The following BOP1 variants were observed in gnomAD, a reference collection of about 807,000 sequenced individuals.
BOP1 encodes BOP1 ribosomal biogenesis factor.
BOP1 carries 54 observed loss-of-function variants against 82.9 expected under a neutral mutation model. That is an observed-to-expected ratio of 0.65 (90% CI 0.52 to 0.82). The LOEUF (loss-of-function observed/expected upper bound fraction) is 0.82, where lower values mean the gene tolerates loss of function less well. Among genes scored for constraint, BOP1 ranks in the 40% least tolerant of loss-of-function variants. BOP1 has a pLI of 0.00. For missense variants in BOP1, 1,170 were observed against 1,072.0 expected, an observed-to-expected ratio of 1.09 and a Z score of -1.28; for synonymous variants, 566 against 451.1, an observed-to-expected ratio of 1.25 and a Z score of -3.23.
intron 3 of BOP1, among the ~76,000 whole-genome samples, chr8:144,273,980 G>T (rs1188687651): frequency 6.6e-6 from 1 of 152,196 alleles, no homozygotes; most frequent in Non-Finnish European, 1.5e-5. Flanking sequence ...GTCCAGCAGG[G>T]GGTCCCTGAA....
Position 144,280,183 on chromosome 8 carries a change from G to A in BOP1, c.310-3879C>T, listed in dbSNP as rs150729636. 7.9e-3 allele frequency among the ~76,000 whole-genome samples: 1,208 copies of A among 152,350 alleles called. 14 individuals are homozygous for A. The highest frequency in any genetic ancestry group is 0.013 in the South Asian group (65 of 4,832). On this transcript the variant is annotated intron_variant, in intron 2 of 15. Coordinates refer to ENST00000569669, the MANE Select transcript of BOP1 (RefSeq NM_015201.5). ...ATGGGGGCCAAGAAGCTTGGAGCTG[G>A]CAGTCTTCAAAAGAACCCAAAGCAA...
chr8:144,262,232 T>C lies in BOP1; in HGVS notation c.2173A>G (p.Ile725Val), dbSNP rs998278508. 4.3e-6 allele frequency: 7 copies of C among 1,612,576 alleles called. No individual in the cohort carries two copies. The highest frequency in any genetic ancestry group is 5.9e-6 in the Non-Finnish European group (7 of 1,179,756). Residue 725 changes from isoleucine to valine, a missense_variant, in exon 16 of 16, where the codon ATC becomes GTC. Physicochemically the swap from Ile to Val is conservative, Grantham distance 29. Transcript: ENST00000569669. The part of the protein sequence containing the change: ...LTRDLGVLDV[I>V]FHPTQPWVFS... ...ACCCACGGCTGGGTGGGGTGGAAGA[T>C]GACGTCCAGCACTCCCAGATCTCGG...
chr8:144,276,380 C>A, intron 2 of BOP1, 76 bp from the exon 3 acceptor site: 2 of 1,524,368 alleles, frequency 1.3e-6, no homozygotes, highest in Non-Finnish European at 1.8e-6. Flanking sequence ...CCCAGGAAGC[C>A]CACCACCCCG....
chr8:144,264,903 C>T lies in BOP1; in HGVS notation c.545+14G>A. ...GCCCACCCCGGCTGCTGGCCCCACC[C>T]CACCAGCCCTCACCAGTAGTCAGGA... is the stretch of plus-strand genomic sequence containing the variant. On this transcript the variant is annotated intron_variant, in intron 4 of 15. Transcript: ENST00000569669. 6.2e-6 allele frequency: 10 copies of T among 1,611,032 alleles called. No homozygotes were observed. The South Asian group carries it at 8.8e-5, about 14-fold the overall frequency.
At chr8:144,289,008 G>T in intron 2 of BOP1, 87 bp downstream of exon 2, 1 of 1,432,724 alleles carries the variant, frequency 7.0e-7, no homozygotes, top group South Asian at 1.2e-5. Context: ...AGGGACGGTG[G>T]AGAAGGCAGT....
chr8:144,287,466 C>A (rs1322975141), intron 2 of BOP1, among the ~76,000 whole-genome samples: 1 of 152,112 alleles, frequency 6.6e-6, no homozygotes, highest in East Asian at 1.9e-4. Flanking sequence ...CTGAATGGTG[C>A]TGCTACAATA....
In BOP1 at chr8:144,263,086, G is replaced by A; in HGVS notation, c.1661C>T (p.Ala554Val). Residue 554 changes from alanine (A) to valine (V), a missense_variant, in exon 13 of 16, where the codon GCC becomes GTC. Physicochemically the swap from Ala to Val is moderately conservative, Grantham distance 64. Coordinates refer to ENST00000569669, the MANE Select transcript of BOP1 (RefSeq NM_015201.5). The part of the protein sequence containing the change: ...GRGDYLAVVL[A>V]TQGHTQVLIH... The stretch of plus-strand genomic sequence containing the variant: ...CAGCACCTGGGTGTGGCCTTGGGTG[G>A]CCAGCACCACGGCCAGGTAGTCCCC... The A allele has an allele frequency of 2.5e-6, 4 of 1,590,992 alleles. No individual in the cohort carries two copies. Among genetic ancestry groups the A allele is most frequent in the Non-Finnish European group, 3.4e-6 (4 of 1,177,654 alleles).
intron 3 of BOP1, among the ~76,000 whole-genome samples, chr8:144,273,001 A>G (rs1277951171): frequency 6.6e-6 from 1 of 152,186 alleles, no homozygotes; most frequent in African/African-American, 2.4e-5. Flanking sequence ...GCAGGCATGC[A>G]GGCGGCCGCG....
At chr8:144,269,407 G>T (rs940468006) in intron 3 of BOP1, among the ~76,000 whole-genome samples, 41 of 152,240 alleles carry the variant, frequency 2.7e-4, no homozygotes, top group Non-Finnish European at 5.4e-4. Flanking sequence ...CCCTCGGGGG[G>T]AGACCAGGTG....
chr8:144,279,454 C>T (rs1473028384), intron 2 of BOP1, among the ~76,000 whole-genome samples: 6 of 152,160 alleles, frequency 3.9e-5, no homozygotes, highest in African/African-American at 1.4e-4. Context: ...GAGACCACTC[C>T]ACAGCACTGT....
intron 3 of BOP1, among the ~76,000 whole-genome samples, 175 bp downstream of exon 3, chr8:144,276,049 T>C (rs1208711616): frequency 1.3e-5 from 2 of 152,222 alleles, no homozygotes; most frequent in African/African-American, 2.4e-5. Flanking sequence ...GACCCCGAAA[T>C]TGCTCTTGCA....
chr8:144,273,080 G>A (rs1044589807), intron 3 of BOP1, among the ~76,000 whole-genome samples: 1 of 152,140 alleles, frequency 6.6e-6, no homozygotes, highest in Non-Finnish European at 1.5e-5. Context: ...GCAGCGTGGG[G>A]AGGGCCGTTC....
At chr8:144,277,448 G>C (rs779679692) in intron 2 of BOP1, among the ~76,000 whole-genome samples, 2 of 152,200 alleles carry the variant, frequency 1.3e-5, no homozygotes, top group African/African-American at 4.8e-5. Context: ...GGCTGCGGTC[G>C]GCTGCCCCCG....
chr8:144,283,543 G>A lies in BOP1; in HGVS notation c.309+5552C>T, dbSNP rs1239504943. Among the ~76,000 whole-genome samples, 4 of 152,184 alleles carry A rather than the reference G, an allele frequency of 2.6e-5. No homozygotes were observed. In the East Asian group the frequency reaches 7.7e-4, roughly 29 times the overall value. ...GCACAGGCTGGTCTTGAACTCCTGGGCTCAAGAGATCCACCTGCCTTGGCC... is the reference window on the plus strand; with the variant it reads ...GCACAGGCTGGTCTTGAACTCCTGGACTCAAGAGATCCACCTGCCTTGGCC... On this transcript the variant is annotated intron_variant, in intron 2 of 15. Coordinates refer to ENST00000569669, the MANE Select transcript of BOP1 (RefSeq NM_015201.5).
At chr8:144,267,953 C>G (rs1845417162) in intron 3 of BOP1, 2 of 1,233,098 alleles carry the variant, frequency 1.6e-6, no homozygotes, top group Non-Finnish European at 2.3e-6. Context: ...GTATGCTCCC[C>G]TCCCCAAAAC....
At chr8:144,279,009 T>C (rs1258695962) in intron 2 of BOP1, among the ~76,000 whole-genome samples, 1 of 152,198 alleles carries the variant, frequency 6.6e-6, no homozygotes, top group Admixed American at 6.5e-5. Context: ...TTCCCAGGCA[T>C]GGAGGCCAAC....
chr8:144,264,391 C>T lies in BOP1; in HGVS notation c.812G>A (p.Arg271His), dbSNP rs890162857. The T allele has an allele frequency of 1.4e-5, 23 of 1,602,486 alleles. No individual in the cohort carries two copies. Among genetic ancestry groups the T allele is most frequent in the Admixed American group, 8.3e-5 (5 of 60,002 alleles). ...GCTGGGGGTGGGGTCTCGGGGCCGG[C>T]GAGGCTGGATCCAGCCCATCTTGAT... ...HAIKMGWIQPRRPRDPTPSFY... is the reference protein window; with the variant it reads ...HAIKMGWIQPHRPRDPTPSFY... Residue 271 changes from arginine to histidine, a missense_variant, in exon 7 of 16, where the codon CGC becomes CAC. Coordinates refer to ENST00000569669, the MANE Select transcript of BOP1 (RefSeq NM_015201.5).
chr8:144,262,803 GCCC>G lies in BOP1; in HGVS notation c.1894+47_1894+49del, dbSNP rs782463241. The G allele has an allele frequency of 1.5e-3, 621 of 425,912 alleles. 9 individuals are homozygous for G. Among genetic ancestry groups the G allele is most frequent in the African/African-American group, 5.0e-3 (77 of 15,254 alleles). The allele number at this position is 425,912 out of a possible 1,614,324, so 26.4% of individuals were successfully genotyped here. On this transcript the variant is annotated intron_variant, in intron 13 of 15. Coordinates refer to ENST00000569669, the MANE Select transcript of BOP1 (RefSeq NM_015201.5). ...CCACCCCTCACCTGCAGGGTACACC[GCCC>G]CCCCCCCCACCCCTCACCTGCAGGG... is the stretch of plus-strand genomic sequence containing the variant.
In BOP1 at chr8:144,264,137, C is replaced by G; in HGVS notation, c.984G>C (p.Leu328Phe). The G allele has an allele frequency of 6.2e-7, 1 of 1,610,880 alleles. No homozygotes were observed. Among genetic ancestry groups the G allele is most frequent in the Non-Finnish European group, 8.5e-7 (1 of 1,179,398 alleles). ...PEYLLSEEER[L>F]AWEQQEPGER... Reference sequence around the variant, plus strand: ...CGCCTGGCTCCTGCTGTTCCCACGCCAAGCGCTGTGGAGACCAAGACACAG... The same window carrying G: ...CGCCTGGCTCCTGCTGTTCCCACGCGAAGCGCTGTGGAGACCAAGACACAG... The change falls in exon 8 of 16, where the codon TTG becomes TTC. Residue 328 changes from leucine to phenylalanine, a missense_variant. Transcript: ENST00000569669.
Sources: gnomAD v4.1 joint callset for allele counts (sites outside exome capture counted in the v4.1 genomes callset) on GRCh38, gnomAD v4.1.1 for gene constraint, MANE v1.5 for transcripts, NCBI Gene and HGNC (gene_info 2026-07-23, HGNC 2026-07-21) for gene names.